Variants in HERC3 observed in about 807,000 individuals in gnomAD.
HERC3 encodes the protein HECT and RLD domain containing E3 ubiquitin protein ligase 3, also known as probable E3 ubiquitin-protein ligase HERC3.
A neutral mutation model predicts 129.9 loss-of-function variants in HERC3; 58 were observed. The ratio of observed to expected loss-of-function variants is 0.45; its 90% confidence interval spans 0.36 to 0.56. The LOEUF is 0.56. Among genes scored for constraint, HERC3 ranks in the 20% least tolerant of loss-of-function variants. The pLI is 0.00. For synonymous variants in HERC3, 430 were observed against 451.0 expected (o/e 0.95, Z 0.59); for missense variants, 835 against 1,244.2 (o/e 0.67, Z 4.95).
At chr4:88,690,247 A>G (rs1733936946) in intron 23 of HERC3, 3 of 978,340 alleles carry the variant, frequency 3.1e-6, no homozygotes, top group South Asian at 4.7e-5. Flanking sequence ...TTATTTCCTT[A>G]ATAAGACCAG....
chr4:88,694,110 A>G (rs1473541078), intron 23 of HERC3, among the ~76,000 whole-genome samples: 1 of 152,204 alleles, frequency 6.6e-6, no homozygotes, highest in African/African-American at 2.4e-5. Flanking sequence ...AAATCTTATC[A>G]TAAACAAAAG....
At chr4:88,642,031 T>C (rs1728154745) in intron 3 of HERC3, among the ~76,000 whole-genome samples, 1 of 148,282 alleles carries the variant, frequency 6.7e-6, no homozygotes, top group Admixed American at 6.9e-5. Flanking sequence ...CTCGGGAGGC[T>C]GAGGAAGGAG....
intron 5 of HERC3, among the ~76,000 whole-genome samples, chr4:88,652,527 C>T (rs746575389): frequency 1.6e-4 from 24 of 152,176 alleles, no homozygotes; most frequent in South Asian, 4.1e-4. Flanking sequence ...CTGGACCTCC[C>T]GAAGTCTTGG....
chr4:88,552,400 G>A, the HERC3 span, among the ~76,000 whole-genome samples: 2 of 152,022 alleles, frequency 1.3e-5, no homozygotes, highest in African/African-American at 2.4e-5. Flanking sequence ...TTACAGGCAC[G>A]TGCCACCATG....
At chr4:88,598,313 T>TTTCCTC (rs1433809892) in intron 2 of HERC3, among the ~76,000 whole-genome samples, 37 of 152,192 alleles carry the variant, frequency 2.4e-4, no homozygotes, top group Non-Finnish European at 4.7e-4. Flanking sequence ...AAAAGAGATT[T>TTTCCTC]ATCTCCCCAC....
chr4:88,679,843 A>C (rs141180456), intron 19 of HERC3, among the ~76,000 whole-genome samples: 28 of 152,316 alleles, frequency 1.8e-4, no homozygotes, highest in African/African-American at 6.5e-4. Context: ...TTCTAAGGAC[A>C]CATGGTAAAT....
intron 18 of HERC3, among the ~76,000 whole-genome samples, chr4:88,677,111 G>C (rs1732256456): frequency 1.3e-5 from 2 of 151,930 alleles, no homozygotes; most frequent in African/African-American, 2.4e-5. Context: ...CTCCAGCCTG[G>C]GCGACAGAGC....
In HERC3 at chr4:88,680,084, T is replaced by A. The variant is rs1382943123; in HGVS notation, c.2197-9T>A. On this transcript the variant is annotated splice_polypyrimidine_tract_variant and intron_variant, in intron 19 of 25. Transcript: ENST00000402738. ...CCCGGAAGCATTAATTCTATTCTAT[T>A]ATTTTAAGGTAATCTTTGATGGTGA... The A allele has an allele frequency of 6.2e-7, 1 of 1,603,350 alleles. No homozygotes were observed.
chr4:88,634,906 C>A (rs753579960), intron 3 of HERC3, among the ~76,000 whole-genome samples: 5 of 152,166 alleles, frequency 3.3e-5, no homozygotes, highest in Non-Finnish European at 7.3e-5. Flanking sequence ...ACCGCAGCAG[C>A]TCTGCAGAAG....
intron 10 of HERC3, among the ~76,000 whole-genome samples, chr4:88,659,679 A>T (rs1291326546): frequency 6.6e-6 from 1 of 152,224 alleles, no homozygotes; most frequent in Non-Finnish European, 1.5e-5. Flanking sequence ...ACAAAATACA[A>T]AAGGCACTGA....
chr4:88,636,167 A>G (rs558876107), intron 3 of HERC3, among the ~76,000 whole-genome samples: 1 of 152,350 alleles, frequency 6.6e-6, no homozygotes, highest in East Asian at 1.9e-4. Flanking sequence ...TTAAATGTAT[A>G]TAGGCTAAAT....
intron 3 of HERC3, among the ~76,000 whole-genome samples, chr4:88,606,676 G>A (rs1448350926): frequency 3.9e-5 from 6 of 152,178 alleles, no homozygotes; most frequent in Admixed American, 2.0e-4. Context: ...GACAAGAGAA[G>A]AGAGCTTGTG....
chr4:88,664,910 T>C (rs1022396100), intron 12 of HERC3, among the ~76,000 whole-genome samples: 5 of 152,294 alleles, frequency 3.3e-5, no homozygotes, highest in African/African-American at 9.6e-5. Flanking sequence ...CTTAGCCTTA[T>C]CCCTTCTGCA....
intron 21 of HERC3, among the ~76,000 whole-genome samples, chr4:88,684,584 CACCA>C (rs1392468814): frequency 1.6e-4 from 24 of 152,258 alleles, no homozygotes; most frequent in Admixed American, 3.9e-4. Context: ...ATGTCTAAAA[CACCA>C]AAAGCAAGGG....
At chr4:88,591,249 T>A (rs897399815), upstream of HERC3, among the ~76,000 whole-genome samples, 10 of 152,202 alleles carry the variant, frequency 6.6e-5, no homozygotes, top group African/African-American at 2.2e-4. Context: ...GTTTGGATTT[T>A]TTCTTAGATG....
intron 9 of HERC3, 25 bp from the exon 10 acceptor site, chr4:88,658,390 G>T: frequency 7.1e-7 from 1 of 1,406,166 alleles, no homozygotes; most frequent in South Asian, 1.2e-5. Flanking sequence ...TGAAAAATAT[G>T]CTTTCGGAAT....
At position 88,652,963 on chromosome 4, in the gene HERC3, C is replaced by G; in HGVS notation, c.558C>G (p.Ser186=). Residue 186 remains serine (S), a synonymous_variant, in exon 6 of 26, where the codon TCC becomes TCG. Coordinates refer to ENST00000402738, the MANE Select transcript of HERC3 (RefSeq NM_014606.3). ...PSQASPQRVR[S]LEGIPLAQVA... is the part of the protein sequence containing the mutation. ...AAGCCAGCCCACAGAGGGTGAGGTCCCTGGAGGGGATCCCACTGGCTCAGG... is the reference window on the plus strand; with the variant it reads ...AAGCCAGCCCACAGAGGGTGAGGTCGCTGGAGGGGATCCCACTGGCTCAGG... The G allele has an allele frequency of 6.2e-7, 1 of 1,614,170 alleles. No individual in the cohort carries two copies. The highest frequency in any genetic ancestry group is 8.5e-7 in the Non-Finnish European group (1 of 1,180,040).
At chr4:88,689,105 AT>A (rs1169717455) in intron 23 of HERC3, among the ~76,000 whole-genome samples, 1 of 152,200 alleles carries the variant, frequency 6.6e-6, no homozygotes, top group Non-Finnish European at 1.5e-5. Context: ...CTGGACTTTT[AT>A]TGGCTTCTTC....
At chr4:88,635,779 C>T (rs1727312502) in intron 3 of HERC3, among the ~76,000 whole-genome samples, 1 of 152,102 alleles carries the variant, frequency 6.6e-6, no homozygotes, top group African/African-American at 2.4e-5. Context: ...AAGGGAAGCC[C>T]ACCAGACTAA....
Sources: allele counts gnomAD v4.1 joint callset (sites outside exome capture counted in the v4.1 genomes callset), GRCh38; gene constraint gnomAD v4.1.1; transcripts MANE v1.5; gene names NCBI Gene and HGNC (gene_info 2026-07-23, HGNC 2026-07-21).